Variants in CACNG2 observed in about 807,000 individuals in gnomAD.
The protein encoded by CACNG2 is calcium voltage-gated channel auxiliary subunit gamma 2.
Under a neutral mutation model 25.9 loss-of-function variants are expected in CACNG2, and 3 were observed. The ratio of observed to expected loss-of-function variants is 0.12; its 90% CI spans 0.05 to 0.30. The LOEUF is 0.30. CACNG2 is among the 10% of genes least tolerant of loss of function. The pLI, the probability that CACNG2 is intolerant of heterozygous loss-of-function variation, is 1.00. For synonymous variants in CACNG2, 167 were observed against 173.3 expected, an observed-to-expected ratio of 0.96 and a Z score of 0.29; for missense variants, 341 against 432.5, an observed-to-expected ratio of 0.79 and a Z score of 1.88.
intron 1 of CACNG2, among the ~76,000 whole-genome samples, chr22:36,633,326 G>A (rs1158273612): frequency 3.3e-5 from 5 of 152,168 alleles, no homozygotes; most frequent in East Asian, 3.8e-4. Flanking sequence ...ATGCATTCAC[G>A]GAGGGTAACT....
At chr22:36,607,513 G>A (rs535822221) in intron 1 of CACNG2, among the ~76,000 whole-genome samples, 92 of 152,246 alleles carry the variant, frequency 6.0e-4, no homozygotes, top group Middle Eastern at 3.4e-3. Flanking sequence ...CGAAGTGCTG[G>A]GATTACAGAT....
chr22:36,615,978 A>C (rs1398046221), intron 1 of CACNG2, among the ~76,000 whole-genome samples: 1 of 152,248 alleles, frequency 6.6e-6, no homozygotes, highest in Admixed American at 6.5e-5. Flanking sequence ...CACACGTGGT[A>C]GATGGAGTGT....
chr22:36,689,539 G>T (rs531651642), intron 1 of CACNG2, among the ~76,000 whole-genome samples: 5 of 152,300 alleles, frequency 3.3e-5, no homozygotes, highest in Admixed American at 3.3e-4. Context: ...ATTCAGGTCT[G>T]ACCATTCTTT....
chr22:36,632,369 C>T (rs1238170620), intron 1 of CACNG2, among the ~76,000 whole-genome samples: 1 of 151,942 alleles, frequency 6.6e-6, no homozygotes, highest in African/African-American at 2.4e-5. Context: ...AACAACTGAC[C>T]TTCCCCCTGC....
chr22:36,617,627 C>T (rs1936043102), intron 1 of CACNG2, among the ~76,000 whole-genome samples: 1 of 147,418 alleles, frequency 6.8e-6, no homozygotes, highest in African/African-American at 2.5e-5. Flanking sequence ...TGATCCTGGG[C>T]ATCTAGTAGG....
At chr22:36,592,358 A>T (rs1177533192) in intron 1 of CACNG2, among the ~76,000 whole-genome samples, 1 of 152,008 alleles carries the variant, frequency 6.6e-6, no homozygotes, top group Non-Finnish European at 1.5e-5. Context: ...CGTGGTAGCC[A>T]GAGAGTGGGA....
chr22:36,628,406 C>T lies in CACNG2; in HGVS notation c.212-40858G>A, dbSNP rs527830686. Among the ~76,000 whole-genome samples, 4 of 152,326 alleles carry T rather than the reference C, an allele frequency of 2.6e-5. No individual in the cohort carries two copies. The South Asian group carries it at 8.3e-4, about 32-fold the overall frequency. On this transcript the variant is annotated intron_variant, in intron 1 of 3. Transcript: ENST00000300105. ...TTTGAGTTTCTGAAATATTCTTTTCCTGCAAATGCCTCTGCTCTGCACGAT... is the reference window on the plus strand; with the variant it reads ...TTTGAGTTTCTGAAATATTCTTTTCTTGCAAATGCCTCTGCTCTGCACGAT...
chr22:36,569,229 C>T (rs927782044), intron 2 of CACNG2, among the ~76,000 whole-genome samples: 8 of 152,174 alleles, frequency 5.3e-5, no homozygotes, highest in African/African-American at 1.9e-4. Context: ...ATTTCATCCT[C>T]ATAACAGTCC....
intron 1 of CACNG2, among the ~76,000 whole-genome samples, chr22:36,591,791 G>T (rs771305562): frequency 2.6e-4 from 39 of 152,272 alleles, no homozygotes; most frequent in African/African-American, 9.1e-4. Context: ...CAGCACAAGG[G>T]GGGTGGTGCT....
intron 2 of CACNG2, chr22:36,585,405 C>T (rs1216653189): frequency 1.3e-5 from 2 of 152,180 alleles, no homozygotes; most frequent in Non-Finnish European, 2.9e-5. Context: ...TAGGTTAGAA[C>T]TTCGTAGAGA....
chr22:36,668,262 TC>T (rs1936900969), intron 1 of CACNG2, among the ~76,000 whole-genome samples: 1 of 152,216 alleles, frequency 6.6e-6, no homozygotes, highest in Non-Finnish European at 1.5e-5. Context: ...CGATCCAGGT[TC>T]CCTGCCTTCT....
intron 1 of CACNG2, among the ~76,000 whole-genome samples, chr22:36,669,241 C>T (rs1936915413): frequency 1.3e-5 from 2 of 152,076 alleles, no homozygotes; most frequent in African/African-American, 4.8e-5. Flanking sequence ...GTGGCTCACT[C>T]CTGTAATCCC....
intron 2 of CACNG2, 50 bp downstream of exon 2, chr22:36,587,415 G>T (rs1166190191): frequency 7.5e-7 from 1 of 1,326,740 alleles, no homozygotes; most frequent in Non-Finnish European, 1.1e-6. Context: ...AAGGATGGAA[G>T]GGCAGGGCCC....
intron 1 of CACNG2, among the ~76,000 whole-genome samples, chr22:36,657,054 C>T (rs1268802379): frequency 2.6e-5 from 4 of 152,108 alleles, no homozygotes; most frequent in Non-Finnish European, 2.9e-5. Flanking sequence ...CAGAAGTGCT[C>T]GACAGTGATT....
chr22:36,637,382 G>A (rs898482687), intron 1 of CACNG2, among the ~76,000 whole-genome samples: 19 of 152,178 alleles, frequency 1.2e-4, no homozygotes, highest in Admixed American at 1.3e-4. Context: ...AGGTTGGCAG[G>A]CTGTTGCAAG....
In CACNG2 at chr22:36,571,443, C is replaced by T. The variant is rs530857241; in HGVS notation, c.296-4950G>A. ...CTGCACTCTAGCCTGGGTGACGGAG[C>T]GAGGTTCCATCTCAGAAAAAAAGAA... On this transcript the variant is annotated intron_variant, in intron 2 of 3. Coordinates refer to ENST00000300105, the MANE Select transcript of CACNG2 (RefSeq NM_006078.5). Among the ~76,000 whole-genome samples, 165 of 151,642 alleles carry T rather than the reference C, an allele frequency of 1.1e-3. 3 individuals are homozygous for T. The South Asian group carries it at 0.015, about 14-fold the overall frequency.
At chr22:36,651,511 G>A (rs1162485640) in intron 1 of CACNG2, among the ~76,000 whole-genome samples, 2 of 152,118 alleles carry the variant, frequency 1.3e-5, no homozygotes, top group South Asian at 2.1e-4. Flanking sequence ...TTACAGGCGT[G>A]AGCCACTGAA....
chr22:36,669,531 A>AC (rs1936920763), intron 1 of CACNG2, among the ~76,000 whole-genome samples: 1 of 149,724 alleles, frequency 6.7e-6, no homozygotes, highest in Non-Finnish European at 1.5e-5. Flanking sequence ...AAAAAAAAAA[A>AC]AAGAACATCT....
intron 1 of CACNG2, among the ~76,000 whole-genome samples, chr22:36,665,983 T>C (rs1045684366): frequency 6.6e-6 from 1 of 152,202 alleles, no homozygotes; most frequent in Non-Finnish European, 1.5e-5. Context: ...TGTCGACGGA[T>C]GAATGGATAA....
Sources: allele counts gnomAD v4.1 joint callset (sites outside exome capture counted in the v4.1 genomes callset), GRCh38; gene constraint gnomAD v4.1.1; transcripts MANE v1.5; gene names NCBI Gene and HGNC (gene_info 2026-07-23, HGNC 2026-07-21).